Variants in FRYL observed in about 807,000 individuals in gnomAD.
FRYL encodes the protein FRY like transcription coactivator.
Under a neutral mutation model 351.2 loss-of-function variants are expected in FRYL, and 150 were observed. The ratio of observed to expected loss-of-function variants is 0.43; its 90% CI spans 0.37 to 0.49. The LOEUF (loss-of-function observed/expected upper bound fraction) is 0.49, where lower values mean the gene tolerates loss of function less well. Ranked by LOEUF, FRYL falls within the 20% of genes least tolerant of loss-of-function variation. The pLI is 0.00. For synonymous variants in FRYL, 1,153 were observed against 1,257.1 expected (o/e 0.92, Z 1.75); for missense variants, 3,036 against 3,619.3 (o/e 0.84, Z 4.13).
chr4:48,700,416 T>C (rs1028561998), intron 2 of FRYL, among the ~76,000 whole-genome samples: 9 of 152,320 alleles, frequency 5.9e-5, no homozygotes, highest in African/African-American at 2.2e-4. Flanking sequence ...AGTATTTTAC[T>C]TATGACAATT....
At chr4:48,726,821 A>G (rs1770139420) in intron 1 of FRYL, among the ~76,000 whole-genome samples, 1 of 152,236 alleles carries the variant, frequency 6.6e-6, no homozygotes, top group South Asian at 2.1e-4. Flanking sequence ...GAAAGGTACA[A>G]ACTTGATATG....
Position 48,575,157 on chromosome 4 carries a change from G to C in FRYL, c.2806C>G (p.Leu936Val). 1 of 1,613,966 alleles carries C rather than the reference G, an allele frequency of 6.2e-7. No individual in the cohort carries two copies. The highest frequency in any genetic ancestry group is 8.5e-7 in the Non-Finnish European group (1 of 1,179,866). Residue 936 changes from leucine (L) to valine (V), a missense_variant, in exon 25 of 64, where the codon CTT becomes GTT. This residue lies in a region of FRYL where 492 missense variants were observed against 551.5 expected (regional missense o/e 0.89). Coordinates refer to ENST00000358350, the MANE Select transcript of FRYL (RefSeq NM_015030.2). ...RSESMEITES[L>V]VLGLGRTNPG... ...TTGGTCCTGCCAAGACCTAGAACAA[G>C]GGATTCTGTGATTTCCATGCTCTCA...
intron 44 of FRYL, among the ~76,000 whole-genome samples, chr4:48,543,076 C>T (rs1478821160): frequency 6.6e-6 from 1 of 152,116 alleles, no homozygotes; most frequent in Non-Finnish European, 1.5e-5. Context: ...TCTTGATGTT[C>T]CTCAGAAAAG....
At chr4:48,673,384 T>C (rs1389773833) in intron 3 of FRYL, among the ~76,000 whole-genome samples, 1 of 152,192 alleles carries the variant, frequency 6.6e-6, no homozygotes, top group African/African-American at 2.4e-5. Flanking sequence ...CACTAGTCTT[T>C]ATTTTTTTAA....
chr4:48,752,924 G>C (rs1237022344), intron 1 of FRYL, among the ~76,000 whole-genome samples: 2 of 152,196 alleles, frequency 1.3e-5, no homozygotes, highest in Admixed American at 1.3e-4. Flanking sequence ...GAAGGCCAGG[G>C]AAATCAGGTG....
intron 2 of FRYL, among the ~76,000 whole-genome samples, chr4:48,697,873 C>CAGAA (rs147706287): frequency 0.013 from 1,987 of 152,264 alleles, 32 homozygotes; most frequent in Non-Finnish European, 0.017. Context: ...GAGGATAGTA[C>CAGAA]AGAATGGGAA....
At chr4:48,777,278 C>T (rs750989879) in intron 1 of FRYL, among the ~76,000 whole-genome samples, 1 of 152,180 alleles carries the variant, frequency 6.6e-6, no homozygotes, top group African/African-American at 2.4e-5. Flanking sequence ...CAATTTTGTA[C>T]ACAGAACAAA....
At chr4:48,545,037 A>G in intron 42 of FRYL, 133 bp from the exon 43 acceptor site, 1 of 788,680 alleles carries the variant, frequency 1.3e-6, no homozygotes. Flanking sequence ...GTCTACTACT[A>G]CTTAGGCACA....
chr4:48,574,014 G>A (rs1268589410), intron 25 of FRYL, among the ~76,000 whole-genome samples: 1 of 151,818 alleles, frequency 6.6e-6, no homozygotes, highest in East Asian at 1.9e-4. Context: ...TTGCCTCTGT[G>A]AACAACTTTG....
chr4:48,603,648 G>A (rs1415320779), intron 11 of FRYL, among the ~76,000 whole-genome samples: 1 of 152,088 alleles, frequency 6.6e-6, no homozygotes, highest in Non-Finnish European at 1.5e-5. Flanking sequence ...CTGTGCTCTT[G>A]GAGCACTCAA....
chr4:48,693,487 C>A (rs1376504952), intron 2 of FRYL, among the ~76,000 whole-genome samples: 1 of 151,694 alleles, frequency 6.6e-6, no homozygotes, highest in Non-Finnish European at 1.5e-5. Flanking sequence ...ACTATTCTCC[C>A]CGTTTATTTT....
At chr4:48,560,954 G>A (rs1006442345) in intron 33 of FRYL, among the ~76,000 whole-genome samples, 1 of 152,148 alleles carries the variant, frequency 6.6e-6, no homozygotes, top group African/African-American at 2.4e-5. Flanking sequence ...TTGGAGCATG[G>A]CCAGTACTTA....
intron 54 of FRYL, among the ~76,000 whole-genome samples, 168 bp downstream of exon 54, chr4:48,522,733 A>C (rs904470893): frequency 3.3e-5 from 5 of 152,174 alleles, no homozygotes; most frequent in African/African-American, 4.8e-5. Context: ...CAACCTAATA[A>C]GTTTAGTGCT....
intron 53 of FRYL, among the ~76,000 whole-genome samples, chr4:48,524,409 T>C (rs1286169720): frequency 6.6e-6 from 1 of 152,158 alleles, no homozygotes; most frequent in African/African-American, 2.4e-5. Flanking sequence ...ATTTCAAATA[T>C]TATTATGTAC....
rs535460952 is a variant in FRYL at position 48,555,410 on chromosome 4, A to T, written c.4266+1568T>A. ...AAAATATATCATGTGTTTGGTGATG[A>T]TTAAGTGCCAGAAAGATCAATGAAG... On this transcript the variant is annotated intron_variant, in intron 35 of 63. Coordinates refer to ENST00000358350, the MANE Select transcript of FRYL (RefSeq NM_015030.2). 2.4e-3 allele frequency among the ~76,000 whole-genome samples: 369 copies of T among 152,322 alleles called. 2 individuals are homozygous for T. Among genetic ancestry groups the T allele is most frequent in the Non-Finnish European group, 3.7e-3 (255 of 68,028 alleles).
intron 7 of FRYL, among the ~76,000 whole-genome samples, chr4:48,614,408 T>G (rs1165037984): frequency 6.6e-6 from 1 of 152,124 alleles, no homozygotes; most frequent in Non-Finnish European, 1.5e-5. Context: ...TACTTCAATA[T>G]GCAAGAAAAT....
chr4:48,661,682 G>C (rs1041756968), intron 3 of FRYL, among the ~76,000 whole-genome samples: 2 of 152,164 alleles, frequency 1.3e-5, no homozygotes, highest in Admixed American at 6.5e-5. Context: ...AGCACTCAGC[G>C]ATGTCACAAA....
intron 1 of FRYL, among the ~76,000 whole-genome samples, chr4:48,764,266 C>T (rs1343603570): frequency 1.3e-5 from 2 of 152,114 alleles, no homozygotes; most frequent in African/African-American, 4.8e-5. Context: ...CCGTGGCTCA[C>T]ACCTGTAATT....
chr4:48,590,225 G>A (rs1280017695), intron 17 of FRYL, among the ~76,000 whole-genome samples: 1 of 152,198 alleles, frequency 6.6e-6, no homozygotes, highest in East Asian at 1.9e-4. Flanking sequence ...GCTCACGTCT[G>A]TAATCCCAGC....
Sources: gnomAD v4.1 joint callset for allele counts (sites outside exome capture counted in the v4.1 genomes callset) on GRCh38, gnomAD v4.1.1 for gene constraint, gnomAD v4.1.1 regional missense constraint, MANE v1.5 for transcripts, NCBI Gene and HGNC (gene_info 2026-07-23, HGNC 2026-07-21) for gene names.